The following RANBP17 variants were observed in gnomAD, a reference collection of about 807,000 sequenced individuals.
RANBP17 encodes ran-binding protein 17.
In RANBP17, 158 loss-of-function variants were observed where a neutral mutation model predicts 141.2. That is an observed-to-expected ratio of 1.12 (90% CI 0.98 to 1.28). RANBP17 has a LOEUF of 1.28. Among genes scored for constraint, RANBP17 ranks in the 50% most tolerant of loss-of-function variants. The pLI is 0.00. For missense variants in RANBP17, 1,438 were observed against 1,290.7 expected (o/e 1.11, Z -1.75); for synonymous variants, 430 against 450.0 (o/e 0.96, Z 0.56).
At chr5:170,968,434 T>G in intron 14 of RANBP17, 57 bp downstream of exon 14, 3 of 1,438,222 alleles carry the variant, frequency 2.1e-6, no homozygotes, top group Non-Finnish European at 2.9e-6. Flanking sequence ...AAGATGTACA[T>G]ATATAACTGA....
intron 20 of RANBP17, among the ~76,000 whole-genome samples, chr5:171,210,516 T>C (rs1371381132): frequency 6.6e-6 from 1 of 152,160 alleles, no homozygotes; most frequent in East Asian, 1.9e-4. Flanking sequence ...TCTTAGGTTC[T>C]GAGATTTGGG....
chr5:171,170,613 A>G (rs1019923319), intron 15 of RANBP17, among the ~76,000 whole-genome samples: 5 of 152,142 alleles, frequency 3.3e-5, no homozygotes. Flanking sequence ...AGAGAAACCT[A>G]TGGCTGGCAG....
intron 14 of RANBP17, among the ~76,000 whole-genome samples, chr5:171,047,028 T>TG (rs902783209): frequency 3.4e-5 from 5 of 147,228 alleles, no homozygotes; most frequent in Non-Finnish European, 6.0e-5. Flanking sequence ...TTTTTTTTTT[T>TG]TTTTTTGAGA....
At chr5:170,928,049 A>G (rs1773066796) in intron 12 of RANBP17, among the ~76,000 whole-genome samples, 1 of 151,938 alleles carries the variant, frequency 6.6e-6, no homozygotes, top group South Asian at 2.1e-4. Flanking sequence ...CTGTTTAGGC[A>G]CTCTACTGGG....
chr5:171,070,908 A>G (rs946014148), intron 14 of RANBP17, among the ~76,000 whole-genome samples: 8 of 152,014 alleles, frequency 5.3e-5, no homozygotes, highest in African/African-American at 1.9e-4. Flanking sequence ...CATTTGTTTA[A>G]CCTGTCTCCA....
intron 14 of RANBP17, among the ~76,000 whole-genome samples, chr5:171,159,757 TA>T (rs1209444611): frequency 1.3e-5 from 2 of 150,864 alleles, no homozygotes; most frequent in African/African-American, 4.9e-5. Context: ...TCGTCTCTAC[TA>T]AAAAAATACA....
At chr5:171,129,953 G>A (rs1756780488) in intron 14 of RANBP17, among the ~76,000 whole-genome samples, 1 of 152,088 alleles carries the variant, frequency 6.6e-6, no homozygotes, top group Non-Finnish European at 1.5e-5. Flanking sequence ...CAAAAATAAT[G>A]AAACTAATTT....
At chr5:171,086,331 A>T (rs1785652138) in intron 14 of RANBP17, among the ~76,000 whole-genome samples, 2 of 151,240 alleles carry the variant, frequency 1.3e-5, no homozygotes, top group African/African-American at 4.9e-5. Flanking sequence ...ATCATGGTGG[A>T]TAAGCGTTTT....
At chr5:171,157,044 G>A (rs951061011) in intron 14 of RANBP17, among the ~76,000 whole-genome samples, 7 of 152,102 alleles carry the variant, frequency 4.6e-5, no homozygotes, top group East Asian at 1.9e-4. Flanking sequence ...AAGGCATTTA[G>A]CAATTGTATT....
rs896659638 is a variant in RANBP17, at chr5:170,940,716, G to A, written c.1469-12881G>A. On this transcript the variant is annotated intron_variant, in intron 12 of 27. Transcript: ENST00000523189. ...ATAAGTAGCAAGTTAGTAAATTTAG[G>A]AGGGATTTGAACAATGTGATTAACA... is the stretch of plus-strand genomic sequence containing the variant. Among the ~76,000 whole-genome samples, 6 of 152,230 alleles carry A rather than the reference G, an allele frequency of 3.9e-5. No homozygotes were observed. The South Asian group carries it at 1.2e-3, about 32-fold the overall frequency.
chr5:171,135,758 A>G (rs940996001), intron 14 of RANBP17, among the ~76,000 whole-genome samples: 11 of 152,172 alleles, frequency 7.2e-5, no homozygotes, highest in African/African-American at 2.7e-4. Context: ...AAAATACCGT[A>G]TATTGAATTC....
At chr5:171,247,672 A>T (rs1023746928) in intron 24 of RANBP17, among the ~76,000 whole-genome samples, 1 of 152,170 alleles carries the variant, frequency 6.6e-6, no homozygotes, top group Admixed American at 6.5e-5. Flanking sequence ...ATGCACAGAC[A>T]CCAAGCACAG....
chr5:171,031,367 C>A (rs943129412), intron 14 of RANBP17, among the ~76,000 whole-genome samples: 1 of 151,972 alleles, frequency 6.6e-6, no homozygotes, highest in Admixed American at 6.6e-5. Flanking sequence ...ATGTGACTTT[C>A]GGACTATTCT....
intron 14 of RANBP17, among the ~76,000 whole-genome samples, chr5:170,994,456 G>T (rs1683215971): frequency 6.6e-6 from 1 of 152,022 alleles, no homozygotes; most frequent in Admixed American, 6.6e-5. Flanking sequence ...GATTATCATT[G>T]CTGGATCATA....
chr5:171,276,696 CT>C (rs1177227182), intron 25 of RANBP17, among the ~76,000 whole-genome samples: 2 of 151,988 alleles, frequency 1.3e-5, no homozygotes, highest in Admixed American at 1.3e-4. Flanking sequence ...ACAGCCATAC[CT>C]TTTTGCTCAC....
chr5:171,158,290 A>G (rs1031864521), intron 14 of RANBP17: 4 of 179,050 alleles, frequency 2.2e-5, no homozygotes, highest in Non-Finnish European at 4.8e-5. Flanking sequence ...CTTGAAATAT[A>G]AAAGCACATT....
intron 14 of RANBP17, among the ~76,000 whole-genome samples, chr5:171,141,621 C>CA (rs10691735): frequency 0.2 from 11,021 of 55,304 alleles, 2,643 homozygotes; most frequent in African/African-American, 0.4. Context: ...GACTCCATCT[C>CA]AAAAAAAAAA....
intron 14 of RANBP17, among the ~76,000 whole-genome samples, chr5:171,072,661 A>G (rs1037420835): frequency 6.6e-6 from 1 of 152,188 alleles, no homozygotes; most frequent in African/African-American, 2.4e-5. Flanking sequence ...AGGCATTCTC[A>G]TTTATTGCCA....
At chr5:171,022,523 C>T (rs1780939795) in intron 14 of RANBP17, among the ~76,000 whole-genome samples, 1 of 152,210 alleles carries the variant, frequency 6.6e-6, no homozygotes, top group Admixed American at 6.5e-5. Flanking sequence ...GAACCCCACC[C>T]AGTGAGGAAG....
Sources: allele counts gnomAD v4.1 joint callset (sites outside exome capture counted in the v4.1 genomes callset), GRCh38; gene constraint gnomAD v4.1.1; transcripts MANE v1.5; gene names NCBI Gene and HGNC (gene_info 2026-07-23, HGNC 2026-07-21).